Variants in RGS9 observed in about 807,000 individuals in gnomAD.
RGS9 encodes regulator of G protein signaling 9.
RGS9 carries 78 observed loss-of-function variants against 102.0 expected under a neutral mutation model. The observed-to-expected ratio is 0.76, with a 90% CI of 0.64 to 0.92. The LOEUF (loss-of-function observed/expected upper bound fraction) is 0.92. Among genes scored for constraint, RGS9 ranks in the 40% least tolerant of loss-of-function variants. The probability of loss-of-function intolerance (pLI) is 0.00; values close to 1 mark genes in which losing one functional copy is unlikely to be tolerated. For synonymous variants in RGS9, 353 were observed against 318.6 expected, an observed-to-expected ratio of 1.11 and a Z score of -1.15; for missense variants, 833 against 866.1, an observed-to-expected ratio of 0.96 and a Z score of 0.48.
chr17:65,160,387 T>C (rs1470946308), intron 4 of RGS9, 48 bp downstream of exon 4: 15 of 1,564,096 alleles, frequency 9.6e-6, no homozygotes, highest in Non-Finnish European at 1.2e-5. Context: ...TTGATCTCAT[T>C]TGAAAAGGTG....
At chr17:65,158,617 G>C (rs2143988868) in intron 3 of RGS9, 1 of 528,434 alleles carries the variant, frequency 1.9e-6, no homozygotes, top group Non-Finnish European at 3.4e-6. Context: ...GCTGTGTATA[G>C]CTGGTCTTGA....
rs1367121026 is a variant in RGS9, at chr17:65,173,920, G to A, written c.583-3812G>A. On this transcript the variant is annotated intron_variant, in intron 8 of 18. Coordinates refer to ENST00000262406, the MANE Select transcript of RGS9 (RefSeq NM_003835.4). The surrounding 1 kb of genome is among the most constrained non-coding windows in gnomAD (Gnocchi z 4.8). ...GCCCTCTCACCAGTTTCGAGGGCAG[G>A]GAACTGGAAAAGGACCACAGCTTGA... 1.3e-5 allele frequency among the ~76,000 whole-genome samples: 2 copies of A among 152,220 alleles called. No homozygotes were observed. Among genetic ancestry groups the A allele is most frequent in the South Asian group, 4.1e-4 (2 of 4,834 alleles).
chr17:65,183,870 A>G lies in RGS9; in HGVS notation c.655-5416A>G, dbSNP rs71379925. Among the ~76,000 whole-genome samples, 455 of 152,246 alleles carry G rather than the reference A, an allele frequency of 3.0e-3. 3 individuals carry two copies. The highest frequency in any genetic ancestry group is 4.9e-3 in the Non-Finnish European group (333 of 68,016). On this transcript the variant is annotated intron_variant, in intron 9 of 18. Transcript: ENST00000262406. ...CCTGTGCCAATTGTCTGCACCCTCC[A>G]TCCGGGGTTTGCCAGTCAGCCGGCC...
At chr17:65,197,293 T>C (rs1912633867) in intron 13 of RGS9, 52 bp downstream of exon 13, 15 of 1,152,148 alleles carry the variant, frequency 1.3e-5, no homozygotes, top group Non-Finnish European at 1.9e-5. Context: ...TTAGAAAGAG[T>C]CCTTTAATGT....
At chr17:65,180,620 G>T (rs1002373178) in intron 9 of RGS9, among the ~76,000 whole-genome samples, 15 of 152,188 alleles carry the variant, frequency 9.9e-5, no homozygotes, top group African/African-American at 3.6e-4. Context: ...AAAGTGCTGG[G>T]ATTACAGGCA....
intron 15 of RGS9, among the ~76,000 whole-genome samples, chr17:65,206,308 T>A (rs1913060497): frequency 6.6e-6 from 1 of 152,234 alleles, no homozygotes. Context: ...TCTTTGTTTT[T>A]GTTACTAGAC....
intron 12 of RGS9, among the ~76,000 whole-genome samples, chr17:65,194,758 G>A (rs184049874): frequency 6.6e-6 from 1 of 152,156 alleles, no homozygotes; most frequent in Non-Finnish European, 1.5e-5. Flanking sequence ...GAAGGGACAG[G>A]CCTGAGTGTG....
At chr17:65,168,942 C>T (rs922494017) in intron 8 of RGS9, among the ~76,000 whole-genome samples, 1 of 152,170 alleles carries the variant, frequency 6.6e-6, no homozygotes, top group African/African-American at 2.4e-5. Context: ...CTGCTACATA[C>T]TGGGATTAAC....
intron 13 of RGS9, among the ~76,000 whole-genome samples, chr17:65,199,488 CTTTTTTT>C (rs3034101): frequency 1.9e-4 from 21 of 108,328 alleles, no homozygotes; most frequent in Admixed American, 3.3e-4. Flanking sequence ...GCTTCTGTTC[CTTTTTTT>C]TTTTTTTTTT....
In RGS9 at chr17:65,152,295, G is replaced by A. The variant is rs1436983045; in HGVS notation, c.58-1127G>A. Reference sequence around the variant, plus strand: ...ATGGCTGGGGGAAGGAAGGTGGCCAGTGTGGCTGGATCAGAGGGAGCCGGT... The same window carrying A: ...ATGGCTGGGGGAAGGAAGGTGGCCAATGTGGCTGGATCAGAGGGAGCCGGT... On this transcript the variant is annotated intron_variant, in intron 1 of 18. Transcript: ENST00000262406. Among the ~76,000 whole-genome samples the A allele has an allele frequency of 3.3e-5, 5 of 152,230 alleles. No individual in the cohort carries two copies. The East Asian group carries it at 9.6e-4, about 29-fold the overall frequency.
chr17:65,224,453 A>T (rs1375501954), intron 17 of RGS9, among the ~76,000 whole-genome samples: 1 of 152,190 alleles, frequency 6.6e-6, no homozygotes, highest in Non-Finnish European at 1.5e-5. Context: ...AGACCACCCC[A>T]AAAGGGTGGT....
intron 12 of RGS9, 23 bp downstream of exon 12, chr17:65,193,679 T>G (rs756169093): frequency 6.6e-7 from 1 of 1,510,110 alleles, no homozygotes; most frequent in Admixed American, 1.7e-5. Context: ...TATATTGGTG[T>G]TTTTTAAAAA....
At chr17:65,175,698 C>G (rs1452086966) in intron 8 of RGS9, among the ~76,000 whole-genome samples, 2 of 152,162 alleles carry the variant, frequency 1.3e-5, no homozygotes, top group African/African-American at 2.4e-5. Context: ...TTCCCTTTCC[C>G]TGTCCTCCTC....
chr17:65,145,055 G>A (rs1910300270), intron 1 of RGS9, among the ~76,000 whole-genome samples: 1 of 152,036 alleles, frequency 6.6e-6, no homozygotes, highest in Non-Finnish European at 1.5e-5. Flanking sequence ...TAGGGGATTA[G>A]GGTCCACTCC....
intron 14 of RGS9, among the ~76,000 whole-genome samples, chr17:65,202,408 GGTGTGTGTGTGTGT>G (rs746368093): frequency 1.5e-5 from 2 of 132,270 alleles, no homozygotes; most frequent in Admixed American, 7.5e-5. Context: ...TGTCCTGAGG[GGTGTGTGTGTGTGT>G]GTGTGTGTGT....
intron 15 of RGS9, among the ~76,000 whole-genome samples, chr17:65,205,817 A>C (rs1913040736): frequency 6.6e-6 from 1 of 151,938 alleles, no homozygotes; most frequent in East Asian, 1.9e-4. Context: ...TATATGATAT[A>C]GATTATATGA....
chr17:65,217,048 G>C (rs1913546650), intron 17 of RGS9, among the ~76,000 whole-genome samples: 1 of 152,170 alleles, frequency 6.6e-6, no homozygotes, highest in African/African-American at 2.4e-5. Flanking sequence ...TGTAAGAGGA[G>C]AGAGAAGAGT....
At chr17:65,207,217 A>T (rs1358512052) in intron 15 of RGS9, among the ~76,000 whole-genome samples, 2 of 151,974 alleles carry the variant, frequency 1.3e-5, no homozygotes, top group Non-Finnish European at 2.9e-5. Context: ...TGGGCTCCAT[A>T]CTCCTGGCTG....
chr17:65,216,681 C>G (rs1292957871), intron 17 of RGS9, among the ~76,000 whole-genome samples: 1 of 152,172 alleles, frequency 6.6e-6, no homozygotes, highest in South Asian at 2.1e-4. Context: ...TCCCCCTACT[C>G]CTAAGTCCCA....
Sources: allele counts gnomAD v4.1 joint callset (sites outside exome capture counted in the v4.1 genomes callset), GRCh38; gene constraint gnomAD v4.1.1; non-coding constraint Gnocchi (gnomAD v3.1); transcripts MANE v1.5; gene names NCBI Gene and HGNC (gene_info 2026-07-23, HGNC 2026-07-21).